SUCLG2: variants seen among roughly 807,000 people sequenced by gnomAD.
The protein encoded by SUCLG2 is succinate-CoA ligase GDP-forming subunit beta, also known as succinate--CoA ligase [GDP-forming] subunit beta, mitochondrial.
Under a neutral mutation model 47.9 loss-of-function variants are expected in SUCLG2, and 42 were observed. The ratio of observed to expected loss-of-function variants is 0.88; its 90% CI spans 0.69 to 1.14. SUCLG2 has a LOEUF of 1.14. Among genes scored for constraint, SUCLG2 ranks in the 50% most tolerant of loss-of-function variants. The pLI, the probability that SUCLG2 is intolerant of heterozygous loss-of-function variation, is 0.00. For synonymous variants in SUCLG2, 195 were observed against 197.3 expected (o/e 0.99, Z 0.10); for missense variants, 571 against 525.9 (o/e 1.09, Z -0.84).
chr3:67,622,930 T>TGGAA (rs1479421508), intron 1 of SUCLG2, among the ~76,000 whole-genome samples: 2 of 152,176 alleles, frequency 1.3e-5, no homozygotes, highest in African/African-American at 4.8e-5. Context: ...GGTGAGCTCA[T>TGGAA]GGAAGAAGGC....
intron 2 of SUCLG2, among the ~76,000 whole-genome samples, chr3:67,559,971 G>A (rs754791270): frequency 4.6e-5 from 7 of 152,016 alleles, no homozygotes; most frequent in East Asian, 1.9e-4. Context: ...TGCAGTTGTC[G>A]GGGGAGGGGT....
At chr3:67,465,617 C>T (rs865900523) in intron 9 of SUCLG2, among the ~76,000 whole-genome samples, 4 of 152,172 alleles carry the variant, frequency 2.6e-5, no homozygotes, top group Non-Finnish European at 4.4e-5. Context: ...TGCTCCCAGC[C>T]GAGTAGGGGC....
intron 9 of SUCLG2, among the ~76,000 whole-genome samples, chr3:67,403,563 G>C (rs541625334): frequency 1.5e-3 from 227 of 152,264 alleles, no homozygotes; most frequent in African/African-American, 5.4e-3. Flanking sequence ...TTGAGAGCCA[G>C]ACCAATAAAC....
intron 2 of SUCLG2, among the ~76,000 whole-genome samples, chr3:67,535,383 T>G (rs1038656781): frequency 1.3e-5 from 2 of 151,814 alleles, no homozygotes; most frequent in Non-Finnish European, 2.9e-5. Context: ...CACCTCCAGA[T>G]GGAGAAGTGG....
chr3:67,559,881 CTGA>C (rs1707262944), intron 2 of SUCLG2, among the ~76,000 whole-genome samples: 1 of 149,040 alleles, frequency 6.7e-6, no homozygotes, highest in Non-Finnish European at 1.5e-5. Context: ...TGAACTTGGC[CTGA>C]TGATGTGTCA....
At chr3:67,611,044 C>G (rs1353954187) in intron 1 of SUCLG2, among the ~76,000 whole-genome samples, 1 of 152,172 alleles carries the variant, frequency 6.6e-6, no homozygotes, top group Non-Finnish European at 1.5e-5. Context: ...ATCAACTCTG[C>G]CTTTTGTCTC....
At chr3:67,448,193 C>T (rs1164066409) in intron 9 of SUCLG2, among the ~76,000 whole-genome samples, 1 of 152,022 alleles carries the variant, frequency 6.6e-6, no homozygotes, top group East Asian at 1.9e-4. Flanking sequence ...ACTTAATAGC[C>T]ATCAAGATGG....
intron 8 of SUCLG2, among the ~76,000 whole-genome samples, chr3:67,497,450 T>A (rs1705377327): frequency 6.6e-6 from 1 of 152,168 alleles, no homozygotes; most frequent in African/African-American, 2.4e-5. Context: ...GACATTCTTA[T>A]CTCAGCTGAA....
At chr3:67,513,840 TC>T (rs1253834152) in intron 6 of SUCLG2, 3 of 152,396 alleles carry the variant, frequency 2.0e-5, no homozygotes, top group African/African-American at 7.2e-5. Context: ...TACATGAAAA[TC>T]TGACAAGTTT....
intron 9 of SUCLG2, among the ~76,000 whole-genome samples, chr3:67,419,341 C>G (rs988308672): frequency 6.6e-6 from 1 of 152,268 alleles, no homozygotes; most frequent in East Asian, 1.9e-4. Flanking sequence ...TTTGAACTTA[C>G]AAGATACAGT....
chr3:67,624,796 G>C (rs987074549), intron 1 of SUCLG2, among the ~76,000 whole-genome samples: 2 of 151,518 alleles, frequency 1.3e-5, no homozygotes, highest in Admixed American at 1.3e-4. Context: ...AATAATCCCT[G>C]AAAAAAAAAT....
intron 10 of SUCLG2, among the ~76,000 whole-genome samples, chr3:67,380,320 A>G (rs115385174): frequency 0.013 from 1,957 of 152,146 alleles, 55 homozygotes; most frequent in African/African-American, 0.043. Flanking sequence ...AGCAGCTTCA[A>G]GTGCCCCAGT....
chr3:67,609,010 C>G (rs990167980), intron 2 of SUCLG2, among the ~76,000 whole-genome samples: 1 of 152,146 alleles, frequency 6.6e-6, no homozygotes, highest in Admixed American at 6.5e-5. Flanking sequence ...GGCCAAGTGC[C>G]TCCAGTGAGT....
At chr3:67,368,398 A>G (rs750208490) in intron 10 of SUCLG2, among the ~76,000 whole-genome samples, 2 of 152,080 alleles carry the variant, frequency 1.3e-5, no homozygotes, top group Non-Finnish European at 2.9e-5. Flanking sequence ...TTATTCTATT[A>G]TATCTTTAAA....
At chr3:67,509,154 G>A (rs537349657) in intron 6 of SUCLG2, among the ~76,000 whole-genome samples, 57 of 152,232 alleles carry the variant, frequency 3.7e-4, no homozygotes, top group African/African-American at 1.3e-3. Flanking sequence ...GGCCTAAAAC[G>A]TTGTTAATCT....
chr3:67,592,558 T>G (rs1045616649), intron 2 of SUCLG2, among the ~76,000 whole-genome samples: 1 of 152,042 alleles, frequency 6.6e-6, no homozygotes, highest in Non-Finnish European at 1.5e-5. Context: ...TTCAGTGGCA[T>G]TCCCCACATA....
chr3:67,408,786 C>T (rs765377647), intron 9 of SUCLG2: 49 of 1,339,160 alleles, frequency 3.7e-5, no homozygotes, highest in Non-Finnish European at 4.7e-5. Flanking sequence ...ATAACTTTCC[C>T]TGGTAAATAA....
intron 9 of SUCLG2, among the ~76,000 whole-genome samples, chr3:67,482,416 C>T (rs1704941731): frequency 6.6e-6 from 1 of 152,196 alleles, no homozygotes; most frequent in Non-Finnish European, 1.5e-5. Context: ...TATAGAAAAA[C>T]TGAATCAAAG....
intron 7 of SUCLG2, among the ~76,000 whole-genome samples, chr3:67,505,135 G>C (rs1705601112): frequency 6.6e-6 from 1 of 152,122 alleles, no homozygotes; most frequent in Non-Finnish European, 1.5e-5. Flanking sequence ...GGGTCAATGA[G>C]AATCATTTGA....
Sources: gnomAD v4.1 joint callset for allele counts (sites outside exome capture counted in the v4.1 genomes callset) on GRCh38, gnomAD v4.1.1 for gene constraint, MANE v1.5 for transcripts, NCBI Gene and HGNC (gene_info 2026-07-23, HGNC 2026-07-21) for gene names.